The following SLC1A1 variants were observed in gnomAD, a reference collection of about 807,000 sequenced individuals.
SLC1A1 encodes the protein solute carrier family 1 member 1.
Under a neutral mutation model 53.3 loss-of-function variants are expected in SLC1A1, and 43 were observed. The ratio of observed to expected loss-of-function variants is 0.81; its 90% confidence interval spans 0.63 to 1.04. The LOEUF (loss-of-function observed/expected upper bound fraction) is 1.04, where lower values mean the gene tolerates loss of function less well. SLC1A1 is among the 50% of genes least tolerant of loss of function. The pLI is 0.00. For synonymous variants in SLC1A1, 307 were observed against 243.2 expected (o/e 1.26, Z -2.44); for missense variants, 748 against 664.9 (o/e 1.12, Z -1.37).
rs757746478 is a variant in SLC1A1 at position 4,557,858 on chromosome 9, T to TA, written c.233-3587dup. Reference sequence around the variant, plus strand: ...GTGGTTAAGAATATGGCCTTTGAGGTAAAATGTAGATTGAGATCCCAGCTC... The same window carrying TA: ...GTGGTTAAGAATATGGCCTTTGAGGTAAAAATGTAGATTGAGATCCCAGCTC... On this transcript the variant is annotated intron_variant, in intron 2 of 11. Coordinates refer to ENST00000262352, the MANE Select transcript of SLC1A1 (RefSeq NM_004170.6). Among the ~76,000 whole-genome samples the TA allele has an allele frequency of 2.6e-5, 4 of 152,020 alleles. No homozygotes were observed. In the East Asian group the frequency reaches 7.7e-4, roughly 29 times the overall value.
At position 4,586,343 on chromosome 9, in the gene SLC1A1, G is replaced by A. The variant is rs1411408662; in HGVS notation, c.*785G>A. 6.6e-6 allele frequency: 1 copy of A among 152,054 alleles called. No homozygotes were observed. Among genetic ancestry groups the A allele is most frequent in the Non-Finnish European group, 1.5e-5 (1 of 68,018 alleles). The allele number at this position is 152,054 out of a possible 1,614,324, so 9.4% of individuals were successfully genotyped here. ...AATAATAACCACGATTCCAACCCAG[G>A]TCTGCTTTGGGGCTTATCAGAACTC... On this transcript the variant is annotated 3_prime_UTR_variant, in exon 12 of 12. Transcript: ENST00000262352.
At chr9:4,584,918 G>C (rs1235360873) in intron 11 of SLC1A1, among the ~76,000 whole-genome samples, 1 of 152,168 alleles carries the variant, frequency 6.6e-6, no homozygotes, top group East Asian at 1.9e-4. Flanking sequence ...AAACACCCAA[G>C]TTCTCTGACC....
chr9:4,562,839 C>T (rs912543967), intron 3 of SLC1A1, among the ~76,000 whole-genome samples: 2 of 151,738 alleles, frequency 1.3e-5, no homozygotes, highest in Non-Finnish European at 2.9e-5. Context: ...GGGTTGGTTC[C>T]AAGTCTTTGC....
At chr9:4,518,234 CAAAAAAA>C (rs34559140) in intron 1 of SLC1A1, among the ~76,000 whole-genome samples, 1 of 60,432 alleles carries the variant, frequency 1.7e-5, no homozygotes, top group Non-Finnish European at 2.8e-5. Context: ...TATTCCACCT[CAAAAAAA>C]AAAAAAAAAA....
intron 6 of SLC1A1, 129 bp downstream of exon 6, chr9:4,567,896 T>C (rs977687215): frequency 9.7e-6 from 7 of 723,944 alleles, no homozygotes; most frequent in African/African-American, 3.5e-5. Flanking sequence ...CTAAAATTTA[T>C]GTGTGACCCC....
intron 1 of SLC1A1, among the ~76,000 whole-genome samples, chr9:4,531,629 G>A (rs1467364370): frequency 6.6e-6 from 1 of 152,172 alleles, no homozygotes; most frequent in Admixed American, 6.5e-5. Context: ...CACCTCTAGG[G>A]GCAGGGCAGT....
At chr9:4,549,000 G>C (rs1004162883) in intron 2 of SLC1A1, among the ~76,000 whole-genome samples, 3 of 152,176 alleles carry the variant, frequency 2.0e-5, no homozygotes, top group African/African-American at 7.2e-5. Flanking sequence ...AATAGCTTAT[G>C]AATATGCCTG....
Position 4,583,445 on chromosome 9 carries a change from C to T in SLC1A1, c.1328+273C>T, listed in dbSNP as rs1490226409. 6.6e-6 allele frequency among the ~76,000 whole-genome samples: 1 copy of T among 152,196 alleles called. No homozygotes were observed. Among genetic ancestry groups the T allele is most frequent in the African/African-American group, 2.4e-5 (1 of 41,440 alleles). Reference sequence around the variant, plus strand: ...GAGCTGGGTGTGGGACAGAGATAAACACAGAACAAGGTGAGAAGCCAGGCA... The same window carrying T: ...GAGCTGGGTGTGGGACAGAGATAAATACAGAACAAGGTGAGAAGCCAGGCA... On this transcript the variant is annotated intron_variant, in intron 11 of 11. Coordinates refer to ENST00000262352, the MANE Select transcript of SLC1A1 (RefSeq NM_004170.6). The surrounding 1 kb of genome is among the most constrained non-coding windows in gnomAD (Gnocchi z 4.6).
chr9:4,497,298 C>T (rs1189290227), intron 1 of SLC1A1, among the ~76,000 whole-genome samples: 5 of 152,150 alleles, frequency 3.3e-5, no homozygotes, highest in African/African-American at 1.2e-4. Flanking sequence ...AGCCGGGATT[C>T]AAACCCTGGA....
chr9:4,536,126 C>T (rs201051903), intron 1 of SLC1A1, among the ~76,000 whole-genome samples: 9 of 151,950 alleles, frequency 5.9e-5, no homozygotes, highest in Non-Finnish European at 1.0e-4. Flanking sequence ...TTCAGGACAT[C>T]GGCATGGGCA....
chr9:4,508,099 TAC>T (rs1820864028), intron 1 of SLC1A1, among the ~76,000 whole-genome samples: 1 of 152,146 alleles, frequency 6.6e-6, no homozygotes, highest in African/African-American at 2.4e-5. Flanking sequence ...TTTGCCCTGA[TAC>T]TGAGGAAGGG....
chr9:4,492,887 A>C (rs1035268856), intron 1 of SLC1A1, among the ~76,000 whole-genome samples: 7 of 152,086 alleles, frequency 4.6e-5, no homozygotes, highest in Non-Finnish European at 1.0e-4. Context: ...CTGCCTTTTC[A>C]GCATGGGGCT....
chr9:4,545,031 G>T (rs186341158), intron 2 of SLC1A1, among the ~76,000 whole-genome samples: 1 of 152,148 alleles, frequency 6.6e-6, no homozygotes, highest in African/African-American at 2.4e-5. Context: ...CCTCCACCTG[G>T]TCTCTCCCTT....
intron 1 of SLC1A1, among the ~76,000 whole-genome samples, chr9:4,531,535 G>A (rs536155670): frequency 6.6e-6 from 1 of 152,284 alleles, no homozygotes; most frequent in African/African-American, 2.4e-5. Context: ...GTCCAGGCTT[G>A]AGTAGGTAAA....
At chr9:4,534,920 C>G (rs1564014055) in intron 1 of SLC1A1, among the ~76,000 whole-genome samples, 1 of 152,104 alleles carries the variant, frequency 6.6e-6, no homozygotes, top group East Asian at 1.9e-4. Context: ...AATCAATAAA[C>G]ATAATCCAGC....
In SLC1A1 at chr9:4,576,620, G is replaced by A; in HGVS notation, c.1050G>A (p.Val350=). The change falls in exon 10 of 12, where the codon GTG becomes GTA. Residue 350 remains valine (V), a synonymous_variant. Transcript: ENST00000262352. ...TFRCAEENNQ[V]DKRITRFVLP... is the part of the protein sequence containing the mutation. Reference sequence around the variant, plus strand: ...GCTGTGCTGAAGAAAATAACCAGGTGGACAAGAGGATCACTCGATTCGTGT... The same window carrying A: ...GCTGTGCTGAAGAAAATAACCAGGTAGACAAGAGGATCACTCGATTCGTGT... The A allele has an allele frequency of 6.2e-7, 1 of 1,614,134 alleles. No homozygotes were observed. The highest frequency in any genetic ancestry group is 8.5e-7 in the Non-Finnish European group (1 of 1,179,998).
At chr9:4,564,302 G>A in intron 3 of SLC1A1, 42 bp from the exon 4 acceptor site, 2 of 1,389,294 alleles carry the variant, frequency 1.4e-6, no homozygotes, top group Non-Finnish European at 2.0e-6. Flanking sequence ...CAGGTGCCCT[G>A]GAAGGTTCCT....
At position 4,583,188 on chromosome 9, in the gene SLC1A1, T is replaced by C. The variant is rs1295870857; in HGVS notation, c.1328+16T>C. The C allele has an allele frequency of 3.1e-6, 5 of 1,614,198 alleles. No individual in the cohort carries two copies. The highest frequency in any genetic ancestry group is 1.1e-5 in the South Asian group (1 of 91,090). ...ACTGGCTCCTGTGAGTTGGAATAAA[T>C]GCACTGCCTTAGCTGGATGTGCAGG... On this transcript the variant is annotated intron_variant, in intron 11 of 11. Transcript: ENST00000262352. This position sits in a 1 kb window ranked among gnomAD's most constrained non-coding sequence, Gnocchi z 4.6.
intron 2 of SLC1A1, among the ~76,000 whole-genome samples, chr9:4,560,695 TAA>T (rs200416823): frequency 2.1e-5 from 3 of 144,682 alleles, no homozygotes; most frequent in African/African-American, 2.5e-5. Flanking sequence ...TCTCAAGTGT[TAA>T]AAAAAAAAAA....
Sources: gnomAD v4.1 joint callset for allele counts (sites outside exome capture counted in the v4.1 genomes callset) on GRCh38, gnomAD v4.1.1 for gene constraint, Gnocchi (gnomAD v3.1) non-coding constraint, MANE v1.5 for transcripts, NCBI Gene and HGNC (gene_info 2026-07-23, HGNC 2026-07-21) for gene names.